The following PLCXD2 variants were observed in gnomAD, a reference collection of about 807,000 sequenced individuals.
The protein encoded by PLCXD2 is PI-PLC X domain-containing protein 2.
Under a neutral mutation model 28.6 loss-of-function variants are expected in PLCXD2, and 21 were observed. That is an observed-to-expected ratio of 0.73 (90% CI 0.52 to 1.06). PLCXD2 has a LOEUF of 1.06. PLCXD2 is among the 50% of genes least tolerant of loss of function. The pLI, the probability that PLCXD2 is intolerant of heterozygous loss-of-function variation, is 0.00. For synonymous variants in PLCXD2, 140 were observed against 150.1 expected (o/e 0.93, Z 0.49); for missense variants, 369 against 376.7 (o/e 0.98, Z 0.17).
intron 1 of PLCXD2, among the ~76,000 whole-genome samples, chr3:111,690,350 C>T (rs1940856129): frequency 6.6e-6 from 1 of 152,146 alleles, no homozygotes; most frequent in African/African-American, 2.4e-5. Flanking sequence ...TACATGCTGA[C>T]CTGTTCTGGC....
At chr3:111,718,371 A>G (rs1941299477) in intron 3 of PLCXD2, among the ~76,000 whole-genome samples, 1 of 152,114 alleles carries the variant, frequency 6.6e-6, no homozygotes, top group Admixed American at 6.5e-5. Flanking sequence ...AGGCTGAGGC[A>G]GGAGAATGGC....
In PLCXD2 at chr3:111,685,736, C is replaced by T. The variant is rs538685221; in HGVS notation, c.163+10328C>T. Among the ~76,000 whole-genome samples, 240 of 152,256 alleles carry T rather than the reference C, an allele frequency of 1.6e-3. 1 individual carries two copies. The highest frequency in any genetic ancestry group is 2.8e-3 in the Admixed American group (43 of 15,298). ...AAGGGGTTACTTCACAAAAAGATGA[C>T]GCCATCTATTTGGAGACAGAGCAGG... On this transcript the variant is annotated intron_variant, in intron 1 of 4. Transcript: ENST00000477665.
At chr3:111,713,735 T>C (rs953319891) in intron 2 of PLCXD2, 152 bp from the exon 3 acceptor site, 2 of 849,904 alleles carry the variant, frequency 2.4e-6, no homozygotes, top group Non-Finnish European at 3.3e-6. Flanking sequence ...CTTTGCTGAT[T>C]TCCTAAAAAT....
intron 1 of PLCXD2, among the ~76,000 whole-genome samples, chr3:111,695,274 T>C (rs1237678563): frequency 1.3e-5 from 2 of 152,152 alleles, no homozygotes; most frequent in Non-Finnish European, 2.9e-5. Context: ...CAGTAGTCTC[T>C]TTTTATCTGC....
In PLCXD2 at chr3:111,708,213, A is replaced by C; in HGVS notation, c.451A>C (p.Thr151Pro). The stretch of plus-strand genomic sequence containing the variant: ...GCTGATGGAAATTGACTCGTTTCTT[A>C]CACAGCACCCCCAGGAGATTATCTT... Residue 151 changes from threonine to proline, a missense_variant, in exon 2 of 5, where the codon ACA becomes CCA. Physicochemically the swap from Thr to Pro is conservative, Grantham distance 38. Transcript: ENST00000477665. 1 of 1,614,124 alleles carries C rather than the reference A, an allele frequency of 6.2e-7. No individual in the cohort carries two copies. The highest frequency in any genetic ancestry group is 8.5e-7 in the Non-Finnish European group (1 of 1,180,012).
intron 1 of PLCXD2, among the ~76,000 whole-genome samples, chr3:111,684,939 G>C (rs1257360353): frequency 6.6e-6 from 1 of 152,162 alleles, no homozygotes; most frequent in East Asian, 1.9e-4. Context: ...CAAAAGAGAA[G>C]GTGCAAGGGG....
At chr3:111,692,295 G>A (rs1441869875) in intron 1 of PLCXD2, among the ~76,000 whole-genome samples, 6 of 152,160 alleles carry the variant, frequency 3.9e-5, no homozygotes, top group Admixed American at 1.3e-4. Context: ...CGCCCGCCTC[G>A]GCCTCCCAAA....
At chr3:111,709,234 C>G (rs1475775460) in intron 2 of PLCXD2, among the ~76,000 whole-genome samples, 2 of 152,122 alleles carry the variant, frequency 1.3e-5, no homozygotes, top group East Asian at 3.9e-4. Flanking sequence ...AGGTTATTCA[C>G]TTGAAAATAT....
chr3:111,721,177 T>C (rs766626710), intron 3 of PLCXD2: 15 of 193,960 alleles, frequency 7.7e-5, no homozygotes, highest in Non-Finnish European at 8.4e-5. Flanking sequence ...AAATAGGATC[T>C]CTAGGACCCA....
intron 2 of PLCXD2, among the ~76,000 whole-genome samples, chr3:111,711,828 G>T (rs1393954600): frequency 6.6e-6 from 1 of 152,158 alleles, no homozygotes; most frequent in Non-Finnish European, 1.5e-5. Flanking sequence ...TGAAGAAGGG[G>T]ATTTTGTAAT....
intron 1 of PLCXD2, among the ~76,000 whole-genome samples, chr3:111,688,071 C>T (rs908444610): frequency 6.6e-6 from 1 of 152,154 alleles, no homozygotes; most frequent in Non-Finnish European, 1.5e-5. Flanking sequence ...CAAATCCTCG[C>T]TACTATTAAT....
intron 1 of PLCXD2, among the ~76,000 whole-genome samples, chr3:111,689,791 A>G (rs956736519): frequency 2.0e-5 from 3 of 152,232 alleles, no homozygotes; most frequent in Non-Finnish European, 4.4e-5. Flanking sequence ...ATTTCTAGTT[A>G]AGGAGAAACT....
At position 111,708,154 on chromosome 3, in the gene PLCXD2, T is replaced by C. The variant is rs771971223; in HGVS notation, c.392T>C (p.Ile131Thr). The change falls in exon 2 of 5, where the codon ATC becomes ACC. Residue 131 changes from isoleucine to threonine, a missense_variant. By Grantham distance (89) the Ile-to-Thr change is moderately conservative (BLOSUM62 -1). Transcript: ENST00000477665. ...GATGCCGACCAGGAGATCTACTTCA[T>C]CCATGGGCTTTTTGGCATCAAGGTC... The C allele has an allele frequency of 6.2e-7, 1 of 1,614,184 alleles. No homozygotes were observed. The highest frequency in any genetic ancestry group is 8.5e-7 in the Non-Finnish European group (1 of 1,180,028).
chr3:111,697,496 A>T (rs1940979528), intron 1 of PLCXD2, among the ~76,000 whole-genome samples: 1 of 152,250 alleles, frequency 6.6e-6, no homozygotes, highest in African/African-American at 2.4e-5. Flanking sequence ...AAAAATACAG[A>T]AAAACTTCTG....
chr3:111,684,850 C>T (rs920890451), intron 1 of PLCXD2, among the ~76,000 whole-genome samples: 1 of 151,926 alleles, frequency 6.6e-6, no homozygotes, highest in Admixed American at 6.6e-5. Flanking sequence ...GGGAGGCGAC[C>T]CTGACCTGAG....
rs189576510 is a variant in PLCXD2, at chr3:111,694,616, G to A, written c.164-13310G>A. Among the ~76,000 whole-genome samples, 10 of 152,238 alleles carry A rather than the reference G, an allele frequency of 6.6e-5. No individual in the cohort carries two copies. The East Asian group carries it at 1.9e-3, about 29-fold the overall frequency. ...CCTTTAGTCACTGCTCTGTGGCCATGCCCCTCAACATGGCTGTACCTGGAA... is the reference window on the plus strand; with the variant it reads ...CCTTTAGTCACTGCTCTGTGGCCATACCCCTCAACATGGCTGTACCTGGAA... On this transcript the variant is annotated intron_variant, in intron 1 of 4. Transcript: ENST00000477665.
chr3:111,714,775 C>A (rs146186369), intron 3 of PLCXD2, among the ~76,000 whole-genome samples: 2 of 152,064 alleles, frequency 1.3e-5, no homozygotes, highest in African/African-American at 4.8e-5. Flanking sequence ...TGTGTGTGTG[C>A]GCGCACATAT....
chr3:111,725,793 C>T (rs368348487), intron 3 of PLCXD2: 208 of 398,524 alleles, frequency 5.2e-4, no homozygotes, highest in South Asian at 3.6e-3. Flanking sequence ...CACCATTTGC[C>T]GAGGCAAGCC....
chr3:111,690,990 A>G (rs1940869283), intron 1 of PLCXD2, among the ~76,000 whole-genome samples: 1 of 152,248 alleles, frequency 6.6e-6, no homozygotes, highest in African/African-American at 2.4e-5. Flanking sequence ...CAATAAGTGA[A>G]CTATTAGCCA....
Sources: gnomAD v4.1 joint callset for allele counts (sites outside exome capture counted in the v4.1 genomes callset) on GRCh38, gnomAD v4.1.1 for gene constraint, MANE v1.5 for transcripts, NCBI Gene and HGNC (gene_info 2026-07-23, HGNC 2026-07-21) for gene names.